PPARG: variants seen among roughly 807,000 people sequenced by gnomAD.
PPARG encodes the protein peroxisome proliferator-activated receptor gamma.
PPARG carries 17 observed loss-of-function variants against 39.2 expected under a neutral mutation model. The observed-to-expected ratio is 0.43, with a 90% confidence interval of 0.30 to 0.65. The LOEUF is 0.65. Ranked by LOEUF, PPARG falls within the 30% of genes least tolerant of loss-of-function variation. The pLI, the probability that PPARG is intolerant of heterozygous loss-of-function variation, is 0.13. For synonymous variants in PPARG, 223 were observed against 215.7 expected, an observed-to-expected ratio of 1.03 and a Z score of -0.30; for missense variants, 406 against 585.9, an observed-to-expected ratio of 0.69 and a Z score of 3.17.
intron 2 of PPARG, among the ~76,000 whole-genome samples, chr3:12,353,571 G>A (rs574816231): frequency 2.0e-5 from 3 of 152,262 alleles, no homozygotes; most frequent in East Asian, 3.9e-4. Context: ...GTGAAATTGG[G>A]GGTGTTGCAA....
intron 4 of PPARG, among the ~76,000 whole-genome samples, chr3:12,382,895 C>T (rs2049735361): frequency 6.6e-6 from 1 of 152,064 alleles, no homozygotes; most frequent in Non-Finnish European, 1.5e-5. Flanking sequence ...CCCTTGATCC[C>T]AGAAGTTCAA....
In PPARG at chr3:12,416,847, G is replaced by T. The variant is rs547303676; in HGVS notation, c.873G>T (p.Val291=). 6.2e-7 allele frequency: 1 copy of T among 1,614,208 alleles called. No individual in the cohort carries two copies. Among genetic ancestry groups the T allele is most frequent in the African/African-American group, 1.3e-5 (1 of 75,058 alleles). Residue 291 remains valine (V), a synonymous_variant, in exon 7 of 8, where the codon GTG becomes GTT. Coordinates refer to ENST00000651735, the MANE Select transcript of PPARG (RefSeq NM_138711.6). ...QGCQFRSVEA[V]QEITEYAKSI... ...GCCAGTTTCGCTCCGTGGAGGCTGT[G>T]CAGGAGATCACAGAGTATGCCAAAA...
At chr3:12,388,800 A>C (rs544004910) in intron 4 of PPARG, among the ~76,000 whole-genome samples, 4 of 152,226 alleles carry the variant, frequency 2.6e-5, no homozygotes, top group African/African-American at 4.8e-5. Flanking sequence ...GGCTTGCAAC[A>C]ATAAACTATT....
intron 1 of PPARG, among the ~76,000 whole-genome samples, chr3:12,306,525 G>A (rs1472601877): frequency 6.6e-6 from 1 of 152,160 alleles, no homozygotes; most frequent in Non-Finnish European, 1.5e-5. Flanking sequence ...ATGCACAGGA[G>A]CCTACTTTGC....
intron 2 of PPARG, among the ~76,000 whole-genome samples, chr3:12,338,810 C>G (rs989320447): frequency 6.6e-6 from 1 of 152,004 alleles, no homozygotes; most frequent in Non-Finnish European, 1.5e-5. Context: ...AAAAGTTTAC[C>G]TTTGTTCTTC....
chr3:12,413,339 G>A (rs1233911191), intron 6 of PPARG, among the ~76,000 whole-genome samples: 2 of 152,154 alleles, frequency 1.3e-5, no homozygotes, highest in African/African-American at 4.8e-5. Context: ...CACTCTTGCA[G>A]TTTGACAGAT....
At chr3:12,371,951 A>G (rs2049230889) in intron 2 of PPARG, 2 of 715,180 alleles carry the variant, frequency 2.8e-6, no homozygotes, top group Non-Finnish European at 5.2e-6. Context: ...CTTGATCTGC[A>G]TGAATCAGTA....
At chr3:12,368,461 C>T (rs985604401) in intron 2 of PPARG, among the ~76,000 whole-genome samples, 2 of 152,136 alleles carry the variant, frequency 1.3e-5, no homozygotes, top group African/African-American at 4.8e-5. Context: ...GGATTACAAA[C>T]GTGAGCCACC....
chr3:12,394,694 G>T (rs2050196072), intron 5 of PPARG, among the ~76,000 whole-genome samples: 1 of 152,192 alleles, frequency 6.6e-6, no homozygotes, highest in African/African-American at 2.4e-5. Flanking sequence ...ATGGGAGTTT[G>T]TTTGCTGCAC....
chr3:12,384,534 C>A (rs2049803280), intron 4 of PPARG, among the ~76,000 whole-genome samples: 1 of 152,108 alleles, frequency 6.6e-6, no homozygotes, highest in African/African-American at 2.4e-5. Flanking sequence ...TATTTAACCA[C>A]ATCCTACTCA....
At chr3:12,345,296 A>C (rs1426495891) in intron 2 of PPARG, among the ~76,000 whole-genome samples, 1 of 152,200 alleles carries the variant, frequency 6.6e-6, no homozygotes, top group African/African-American at 2.4e-5. Flanking sequence ...AATATTATCA[A>C]ATTTTAATTA....
intron 7 of PPARG, among the ~76,000 whole-genome samples, chr3:12,417,420 T>C (rs983878614): frequency 3.9e-5 from 6 of 152,346 alleles, no homozygotes; most frequent in Admixed American, 1.3e-4. Flanking sequence ...TTCTCCTTTT[T>C]CTTTTTCTTT....
intron 1 of PPARG, among the ~76,000 whole-genome samples, chr3:12,292,582 G>A (rs143702647): frequency 6.6e-6 from 1 of 152,250 alleles, no homozygotes; most frequent in East Asian, 1.9e-4. Flanking sequence ...TTTGCTAGTA[G>A]GGAGTAAGTG....
Position 12,389,080 on chromosome 3 carries a change from G to C in PPARG, c.391-3534G>C, listed in dbSNP as rs560297092. On this transcript the variant is annotated intron_variant, in intron 4 of 7. Transcript: ENST00000651735. ...TCATAGGATCTTTGAATATTAAAGA[G>C]GTATGTCTTCTTCACTGATCAATGG... Among the ~76,000 whole-genome samples, 4 of 152,234 alleles carry C rather than the reference G, an allele frequency of 2.6e-5. No homozygotes were observed. The South Asian group carries it at 6.2e-4, about 24-fold the overall frequency.
chr3:12,381,622 G>A (rs898483180), intron 4 of PPARG, 131 bp downstream of exon 4: 9 of 933,006 alleles, frequency 9.6e-6, no homozygotes, highest in Non-Finnish European at 1.2e-5. Context: ...CTGTCACCCA[G>A]ACCAGAGTGC....
intron 2 of PPARG, among the ~76,000 whole-genome samples, chr3:12,365,299 T>C (rs2048978482): frequency 6.6e-6 from 1 of 152,336 alleles, no homozygotes; most frequent in Admixed American, 6.5e-5. Context: ...CAGATGTGTT[T>C]TGTACAGATA....
At chr3:12,302,151 C>T (rs906616850) in intron 1 of PPARG, among the ~76,000 whole-genome samples, 1 of 152,166 alleles carries the variant, frequency 6.6e-6, no homozygotes, top group Non-Finnish European at 1.5e-5. Flanking sequence ...AGGGTACAGC[C>T]AGGTAAAGCC....
At chr3:12,287,835 C>T (rs1306266855), upstream of PPARG, 1 of 134,816 alleles carries the variant, frequency 7.4e-6, no homozygotes, top group African/African-American at 2.6e-5. Flanking sequence ...CCCACCCCCA[C>T]CCCCACCCCC....
intron 5 of PPARG, among the ~76,000 whole-genome samples, chr3:12,401,826 A>G (rs1271435205): frequency 2.0e-5 from 3 of 152,230 alleles, no homozygotes; most frequent in African/African-American, 7.2e-5. Flanking sequence ...GGCATTTAAC[A>G]ATACAGATAA....
Sources: gnomAD v4.1 joint callset for allele counts (sites outside exome capture counted in the v4.1 genomes callset) on GRCh38, gnomAD v4.1.1 for gene constraint, MANE v1.5 for transcripts, NCBI Gene and HGNC (gene_info 2026-07-23, HGNC 2026-07-21) for gene names.